Variants in DOCK8 observed in about 807,000 individuals in gnomAD.
DOCK8 encodes dedicator of cytokinesis protein 8.
Under a neutral mutation model 245.6 loss-of-function variants are expected in DOCK8, and 141 were observed. The observed-to-expected ratio is 0.57, with a 90% CI of 0.50 to 0.66. DOCK8 has a LOEUF of 0.66. Ranked by LOEUF, DOCK8 falls within the 30% of genes least tolerant of loss-of-function variation. The pLI is 0.00. For missense variants in DOCK8, 2,965 were observed against 2,603.4 expected (o/e 1.14, Z -3.02); for synonymous variants, 1,168 against 970.2 (o/e 1.20, Z -3.79).
At chr9:398,999 G>T (rs2054600302) in intron 25 of DOCK8, 147 bp from the exon 26 acceptor site, 1 of 712,516 alleles carries the variant, frequency 1.4e-6, no homozygotes, top group Non-Finnish European at 2.5e-6. Flanking sequence ...TTTAGTTAAA[G>T]GAGACTCAAC....
chr9:458,217 G>C (rs917217618), intron 46 of DOCK8: 3 of 152,186 alleles, frequency 2.0e-5, no homozygotes, highest in South Asian at 2.1e-4. Flanking sequence ...TGCCATCCTG[G>C]TTCTAGTGTA....
chr9:358,093 C>G (rs1306520760), intron 14 of DOCK8, among the ~76,000 whole-genome samples: 1 of 151,964 alleles, frequency 6.6e-6, no homozygotes, highest in African/African-American at 2.4e-5. Flanking sequence ...TATTTACTTA[C>G]TTATTTCTTG....
chr9:247,712 T>G (rs1356628343), intron 1 of DOCK8, among the ~76,000 whole-genome samples: 1 of 151,976 alleles, frequency 6.6e-6, no homozygotes, highest in Non-Finnish European at 1.5e-5. Context: ...TTTTTGTATT[T>G]TTTTTTAGTA....
At position 294,612 on chromosome 9, in the gene DOCK8, TTGAG is replaced by T. The variant is rs543379028; in HGVS notation, c.404+5033_404+5036del. On this transcript the variant is annotated intron_variant, in intron 4 of 47. Transcript: ENST00000432829. The stretch of plus-strand genomic sequence containing the variant: ...AACCATACAACCGTAAGTCCCACTC[TTGAG>T]TATTTACATAAAACCTATGTGCAAA... Among the ~76,000 whole-genome samples, 338 of 152,352 alleles carry T rather than the reference TTGAG, an allele frequency of 2.2e-3. 2 individuals are homozygous for T. Among genetic ancestry groups the T allele is most frequent in the Non-Finnish European group, 3.7e-3 (251 of 68,036 alleles).
intron 24 of DOCK8, among the ~76,000 whole-genome samples, chr9:394,850 C>A (rs2054373582): frequency 6.6e-6 from 1 of 152,168 alleles, no homozygotes; most frequent in Non-Finnish European, 1.5e-5. Flanking sequence ...ATCTGGAGGA[C>A]ACAGTAGCTG....
chr9:254,106 C>G (rs2047714805), intron 1 of DOCK8, among the ~76,000 whole-genome samples: 1 of 152,124 alleles, frequency 6.6e-6, no homozygotes, highest in African/African-American at 2.4e-5. Context: ...AATAGGAACC[C>G]TGATATTGAC....
intron 40 of DOCK8, 86 bp downstream of exon 40, chr9:439,474 C>T: frequency 6.4e-7 from 1 of 1,556,146 alleles, no homozygotes; most frequent in Non-Finnish European, 8.7e-7. Flanking sequence ...CTTAATGGCC[C>T]AGTCAGCCCC....
At chr9:404,819 G>A in intron 26 of DOCK8, 99 bp from the exon 27 acceptor site, 3 of 1,287,224 alleles carry the variant, frequency 2.3e-6, no homozygotes, top group South Asian at 1.2e-5. Context: ...TAAATTGATT[G>A]CCTTAACCTG....
intron 36 of DOCK8, among the ~76,000 whole-genome samples, chr9:430,990 C>T (rs1435980575): frequency 3.3e-5 from 5 of 152,124 alleles, no homozygotes; most frequent in Admixed American, 6.6e-5. Flanking sequence ...CTACTTCAGC[C>T]TCCCATGTAG....
intron 29 of DOCK8, among the ~76,000 whole-genome samples, chr9:416,275 A>G (rs2056005983): frequency 6.6e-6 from 1 of 152,252 alleles, no homozygotes. Context: ...ATTTACAGAC[A>G]TAATGCAGAG....
intron 38 of DOCK8, 78 bp from the exon 39 acceptor site, chr9:434,705 A>G: frequency 1.3e-6 from 2 of 1,508,038 alleles, no homozygotes; most frequent in Non-Finnish European, 1.8e-6. Context: ...AGAAAAAAAG[A>G]AAAGGTCACA....
chr9:289,446 A>G, intron 3 of DOCK8, 64 bp from the exon 4 acceptor site: 1 of 1,302,514 alleles, frequency 7.7e-7, no homozygotes, highest in African/African-American at 1.5e-5. Flanking sequence ...CTTGCTCATG[A>G]TTAGGGGTTG....
In DOCK8 at chr9:332,443, C is replaced by A. The variant is rs146777948; in HGVS notation, c.1090C>A (p.Pro364Thr). Residue 364 changes from proline (P) to threonine (T), a missense_variant, in exon 10 of 48, where the codon CCC becomes ACC. Physicochemically the swap from Pro to Thr is conservative, Grantham distance 38 (BLOSUM62 -1). Coordinates refer to ENST00000432829, the MANE Select transcript of DOCK8 (RefSeq NM_203447.4). The stretch of plus-strand genomic sequence containing the variant: ...GGGAGAGATTGGAGACTGTGCAGAG[C>A]CCTACACGGTTATCAAAGAAAGTGA... The part of the protein sequence containing the change: ...QQGEIGDCAE[P>T]YTVIKESDGG... 4.4e-5 allele frequency: 71 copies of A among 1,612,838 alleles called. No individual in the cohort carries two copies. The South Asian group carries it at 7.2e-4, about 16-fold the overall frequency.
chr9:250,453 A>C (rs13300102), intron 1 of DOCK8, among the ~76,000 whole-genome samples: 3 of 152,190 alleles, frequency 2.0e-5, no homozygotes, highest in Non-Finnish European at 2.9e-5. Flanking sequence ...TCTACTCTAC[A>C]TAAAATATTC....
intron 26 of DOCK8, among the ~76,000 whole-genome samples, chr9:401,070 T>C (rs116085552): frequency 0.33 from 3,348 of 10,300 alleles, 189 homozygotes; most frequent in African/African-American, 0.5. Flanking sequence ...ATTGTCACCA[T>C]CATCACCACC....
At chr9:255,608 CA>C (rs2047749032) in intron 1 of DOCK8, among the ~76,000 whole-genome samples, 1 of 132,676 alleles carries the variant, frequency 7.5e-6, no homozygotes, top group Admixed American at 9.0e-5. Flanking sequence ...GTGGAGGTTG[CA>C]GTGAGCCGAG....
chr9:332,767 C>T (rs1384109776), intron 10 of DOCK8, among the ~76,000 whole-genome samples: 1 of 151,336 alleles, frequency 6.6e-6, no homozygotes, highest in Non-Finnish European at 1.5e-5. Context: ...GAATGATCCT[C>T]CCCCTTCAGC....
chr9:372,128 T>G, intron 17 of DOCK8, 57 bp from the exon 18 acceptor site: 2 of 1,457,474 alleles, frequency 1.4e-6, no homozygotes, highest in Non-Finnish European at 1.9e-6. Context: ...CTAGATAAAT[T>G]ATCAGAATTA....
intron 1 of DOCK8, among the ~76,000 whole-genome samples, chr9:223,981 A>T (rs1314855293): frequency 1.3e-5 from 2 of 152,192 alleles, no homozygotes; most frequent in African/African-American, 4.8e-5. Flanking sequence ...CCTATTAAAT[A>T]AAATAATATC....
Sources: gnomAD v4.1 joint callset for allele counts (sites outside exome capture counted in the v4.1 genomes callset) on GRCh38, gnomAD v4.1.1 for gene constraint, MANE v1.5 for transcripts, NCBI Gene and HGNC (gene_info 2026-07-23, HGNC 2026-07-21) for gene names.